The following GPR142 variants were observed in gnomAD, a reference collection of about 807,000 sequenced individuals.
GPR142 encodes G protein-coupled receptor 142.
A neutral mutation model predicts 10.6 loss-of-function variants in GPR142; 9 were observed. The observed-to-expected ratio is 0.85, with a 90% CI of 0.51 to 1.48. The LOEUF (loss-of-function observed/expected upper bound fraction) is 1.48, where lower values mean the gene tolerates loss of function less well. GPR142 is among the 40% of genes most tolerant of loss of function. The pLI is 0.00. For synonymous variants in GPR142, 202 were observed against 221.2 expected (o/e 0.91, Z 0.77); for missense variants, 482 against 506.0 (o/e 0.95, Z 0.45).
In GPR142 at chr17:74,371,769, C is replaced by T; in HGVS notation, c.294C>T (p.Thr98=). The part of the protein sequence containing the change: ...LTAVALARLA[T]RTRRPSYYYL... Reference sequence around the variant, plus strand: ...CAGTGGCCCTGGCGCGCCTTGCCACCAGGACCAGGAGGCCCTCCTACTACT... The same window carrying T: ...CAGTGGCCCTGGCGCGCCTTGCCACTAGGACCAGGAGGCCCTCCTACTACT... The change falls in exon 4 of 4, where the codon ACC becomes ACT. Residue 98 remains threonine, a synonymous_variant. Coordinates refer to ENST00000582579, the MANE Select transcript of GPR142 (RefSeq NM_001331076.1). 1 of 1,610,522 alleles carries T rather than the reference C, an allele frequency of 6.2e-7. No homozygotes were observed.
At chr17:74,371,389 C>A (rs996116910) in intron 3 of GPR142, among the ~76,000 whole-genome samples, 27 of 152,104 alleles carry the variant, frequency 1.8e-4, no homozygotes, top group Non-Finnish European at 3.1e-4. Context: ...GAACTCCTGA[C>A]CTCAGGTGAT....
Position 74,372,207 on chromosome 17 carries a change from C to T in GPR142, c.732C>T (p.Thr244=), listed in dbSNP as rs1399923790. ...TCCCTTGTGGCGTGTTCCTGGTCAC[C>T]AACTCGGCCATCATCCACCGGCTAC... ...YFIPCGVFLV[T]NSAIIHRLRR... Residue 244 remains threonine (T), a synonymous_variant, in exon 4 of 4, where the codon ACC becomes ACT. Transcript: ENST00000582579. 4.3e-6 allele frequency: 7 copies of T among 1,614,070 alleles called. No individual in the cohort carries two copies. Among genetic ancestry groups the T allele is most frequent in the Non-Finnish European group, 5.1e-6 (6 of 1,179,910 alleles).
intron 2 of GPR142, among the ~76,000 whole-genome samples, chr17:74,369,906 A>G (rs1218274351): frequency 6.6e-6 from 1 of 152,120 alleles, no homozygotes; most frequent in Non-Finnish European, 1.5e-5. Flanking sequence ...CCATCTGTGG[A>G]CTTGGGCCAT....
chr17:74,370,573 C>G lies in GPR142; in HGVS notation c.147C>G (p.Ser49Arg). 1 of 1,610,438 alleles carries G rather than the reference C, an allele frequency of 6.2e-7. No homozygotes were observed. Among genetic ancestry groups the G allele is most frequent in the Non-Finnish European group, 8.5e-7 (1 of 1,178,340 alleles). ...LLPTPHVSGL[S>R]QEFESHWPEI... ...CCACGCCCCACGTCAGCGGGCTGAG[C>G]CAGGAGTTTGAAAGCCACTGGCCAG... The change falls in exon 3 of 4, where the codon AGC (serine) becomes AGG (arginine). Residue 49 changes from serine (S) to arginine (R), a missense_variant. Physicochemically the swap from Ser to Arg is moderately radical, Grantham distance 110. Coordinates refer to ENST00000582579, the MANE Select transcript of GPR142 (RefSeq NM_001331076.1).
chr17:74,371,830 C>T lies in GPR142; in HGVS notation c.355C>T (p.Gln119Ter). The T allele has an allele frequency of 1.2e-6, 2 of 1,613,772 alleles. No individual in the cohort carries two copies. Among genetic ancestry groups the T allele is most frequent in the South Asian group, 1.1e-5 (1 of 91,080 alleles). The change falls in exon 4 of 4, where the codon CAG becomes TAG. Residue 119 changes from glutamine (Q) to a stop codon, truncating the protein, a stop_gained. Transcript: ENST00000582579. LOFTEE classifies it low-confidence loss of function (END_TRUNC). ...LALTASDIIIQVVIVFAGFLL... is the reference protein window; with the variant it reads ...LALTASDIII ...GCTCACAGCCTCGGATATCATCATC[C>T]AGGTGGTCATCGTGTTCGCGGGCTT... is the stretch of plus-strand genomic sequence containing the variant.
chr17:74,369,545 T>C lies in GPR142; in HGVS notation c.5T>C (p.Leu2Pro), dbSNP rs375220764. ...GGGTGAGAGGTACAGCTGGCGATGC[T>C]GACAGGGAGCTGCGGGGACCCTCAG... M[L>P]TGSCGDPQKK... Residue 2 changes from leucine to proline, a missense_variant, in exon 2 of 4, where the codon CTG becomes CCG. Leu to Pro is a moderately conservative substitution (Grantham distance 98). Coordinates refer to ENST00000582579, the MANE Select transcript of GPR142 (RefSeq NM_001331076.1). 104 of 1,555,612 alleles carry C rather than the reference T, an allele frequency of 6.7e-5. No homozygotes were observed. Among genetic ancestry groups the C allele is most frequent in the Non-Finnish European group, 8.5e-5 (98 of 1,149,110 alleles).
At chr17:74,369,719 G>T in intron 2 of GPR142, 85 bp downstream of exon 2, 2 of 1,384,468 alleles carry the variant, frequency 1.4e-6, no homozygotes, top group Non-Finnish European at 1.9e-6. Context: ...GACCTAGAGG[G>T]TGGAGTAGGG....
chr17:74,370,706 C>T, intron 3 of GPR142, 27 bp downstream of exon 3: 2 of 1,593,636 alleles, frequency 1.3e-6, no homozygotes, highest in Non-Finnish European at 1.7e-6. Flanking sequence ...GGTCTGGGGA[C>T]TTGGGCTTGG....
At chr17:74,370,205 G>A (rs1195129354) in intron 2 of GPR142, among the ~76,000 whole-genome samples, 4 of 141,690 alleles carry the variant, frequency 2.8e-5, no homozygotes, top group African/African-American at 2.6e-5. Context: ...CTGTTTCAGA[G>A]CCCCTGCTAG....
At position 74,369,522 on chromosome 17, in the gene GPR142, G is replaced by C. The variant is rs776522170; in HGVS notation, c.-19G>C. On this transcript the variant is annotated 5_prime_UTR_variant, in exon 2 of 4. Coordinates refer to ENST00000582579, the MANE Select transcript of GPR142 (RefSeq NM_001331076.1). ...AAACAACCACTTGGAGAGCCAAGGG[G>C]TGAGAGGTACAGCTGGCGATGCTGA... 30 of 1,559,088 alleles carry C rather than the reference G, an allele frequency of 1.9e-5. 2 individuals are homozygous for C. In the South Asian group the frequency reaches 2.5e-4, roughly 13 times the overall value.
chr17:74,369,484 A>G lies in GPR142; in HGVS notation c.-57A>G, dbSNP rs1254243747. On this transcript the variant is annotated 5_prime_UTR_variant, in exon 2 of 4. An upstream open reading frame in the 5' UTR loses its in-frame stop. Transcript: ENST00000582579. The stretch of plus-strand genomic sequence containing the variant: ...CACTAACAGGCTCAGTGTCTGCGTA[A>G]GGATCCTGGGGCAAACAACCACTTG... The G allele has an allele frequency of 5.8e-6, 9 of 1,557,560 alleles. No individual in the cohort carries two copies. In the African/African-American group the frequency reaches 1.2e-4, roughly 21 times the overall value.
chr17:74,370,804 G>A, intron 3 of GPR142, 125 bp downstream of exon 3: 1 of 929,720 alleles, frequency 1.1e-6, no homozygotes. Flanking sequence ...GTCTTTCCTT[G>A]CCATTGTCAG....
intron 2 of GPR142, 133 bp from the exon 3 acceptor site, chr17:74,370,388 C>A: frequency 1.2e-6 from 1 of 828,182 alleles, no homozygotes; most frequent in Non-Finnish European, 1.7e-6. Context: ...ACAGACAGTG[C>A]ACTCAGCTGG....
Position 74,369,471 on chromosome 17 carries a change from C to T in GPR142, c.-70C>T, listed in dbSNP as rs755520839. On this transcript the variant is annotated 5_prime_UTR_variant, in exon 2 of 4. The change creates a premature stop within an existing upstream ORF in the 5' untranslated region. Transcript: ENST00000582579. ...GCCCCGCCCCCTGCACTAACAGGCT[C>T]AGTGTCTGCGTAAGGATCCTGGGGC... is the stretch of plus-strand genomic sequence containing the variant. 6.4e-7 allele frequency: 1 copy of T among 1,556,486 alleles called. No individual in the cohort carries two copies. The highest frequency in any genetic ancestry group is 1.2e-5 in the South Asian group (1 of 84,440).
At chr17:74,370,414 C>T in intron 2 of GPR142, 107 bp from the exon 3 acceptor site, 1 of 1,219,640 alleles carries the variant, frequency 8.2e-7, no homozygotes, top group Non-Finnish European at 1.1e-6. Flanking sequence ...ACTAGAGGGT[C>T]TGCACAGAGC....
At chr17:74,369,763 C>A in intron 2 of GPR142, 129 bp downstream of exon 2, 1 of 950,340 alleles carries the variant, frequency 1.1e-6, no homozygotes, top group South Asian at 1.8e-5. Flanking sequence ...AGTGAGCCCC[C>A]CGGCCTCAGC....
At chr17:74,371,045 G>A (rs1211955769) in intron 3 of GPR142, among the ~76,000 whole-genome samples, 1 of 152,176 alleles carries the variant, frequency 6.6e-6, no homozygotes, top group East Asian at 1.9e-4. Flanking sequence ...CTCGGCCCTG[G>A]GGATTTCCCC....
chr17:74,367,789 G>A lies in GPR142; in HGVS notation c.-79G>A. ...TCCCAGAACAGGCCTTCTATGGGGT[G>A]GGATGGTAAGTTGCTGGAAGGACGT... On this transcript the variant is annotated 5_prime_UTR_variant, in exon 1 of 4. The change creates a premature stop within an existing upstream ORF in the 5' untranslated region. Transcript: ENST00000582579. 6.3e-7 allele frequency: 1 copy of A among 1,598,996 alleles called. No homozygotes were observed. The highest frequency in any genetic ancestry group is 1.7e-4 in the Middle Eastern group (1 of 5,972).
At position 74,371,406 on chromosome 17, in the gene GPR142, G is replaced by A. The variant is rs567519983; in HGVS notation, c.254-323G>A. 9.9e-4 allele frequency among the ~76,000 whole-genome samples: 150 copies of A among 152,172 alleles called. 1 individual carries two copies. The South Asian group carries it at 0.025, about 25-fold the overall frequency. On this transcript the variant is annotated intron_variant, in intron 3 of 3. Coordinates refer to ENST00000582579, the MANE Select transcript of GPR142 (RefSeq NM_001331076.1). ...ACTCCTGACCTCAGGTGATCTGCTCGCCTTGGCCTCCCAAAGTGCTGGATT... is the reference window on the plus strand; with the variant it reads ...ACTCCTGACCTCAGGTGATCTGCTCACCTTGGCCTCCCAAAGTGCTGGATT...
Sources: allele counts gnomAD v4.1 joint callset (sites outside exome capture counted in the v4.1 genomes callset), GRCh38; gene constraint gnomAD v4.1.1; transcripts MANE v1.5; gene names NCBI Gene and HGNC (gene_info 2026-07-23, HGNC 2026-07-21).